FOXN3: variants seen among roughly 807,000 people sequenced by gnomAD.
The protein encoded by FOXN3 is forkhead box N3.
In FOXN3, 7 loss-of-function variants were observed where a neutral mutation model predicts 38.4. The observed-to-expected ratio is 0.18, with a 90% CI of 0.10 to 0.34. FOXN3 has a LOEUF of 0.34. Among genes scored for constraint, FOXN3 ranks in the 10% least tolerant of loss-of-function variants. The pLI, the probability that FOXN3 is intolerant of heterozygous loss-of-function variation, is 1.00. For missense variants in FOXN3, 456 were observed against 613.4 expected, an observed-to-expected ratio of 0.74 and a Z score of 2.71; for synonymous variants, 230 against 242.2, an observed-to-expected ratio of 0.95 and a Z score of 0.47.
At chr14:89,476,303 G>A (rs1893207939) in intron 1 of FOXN3, among the ~76,000 whole-genome samples, 1 of 152,030 alleles carries the variant, frequency 6.6e-6, no homozygotes, top group South Asian at 2.1e-4. Flanking sequence ...TATTGACTGG[G>A]CCAATCTGAA....
intron 5 of FOXN3, among the ~76,000 whole-genome samples, chr14:89,170,407 C>G (rs1887358516): frequency 1.3e-5 from 2 of 152,160 alleles, no homozygotes; most frequent in Non-Finnish European, 2.9e-5. Flanking sequence ...CTGATGCACA[C>G]ATGACATCTT....
intron 1 of FOXN3, among the ~76,000 whole-genome samples, chr14:89,505,501 T>C (rs1893899677): frequency 6.7e-6 from 1 of 149,830 alleles, no homozygotes; most frequent in African/African-American, 2.4e-5. Flanking sequence ...GGTCTCCAGC[T>C]CCTAACCGCG....
intron 1 of FOXN3, among the ~76,000 whole-genome samples, chr14:89,531,952 G>C (rs1429909496): frequency 1.3e-5 from 2 of 152,166 alleles, no homozygotes; most frequent in African/African-American, 4.8e-5. Context: ...ACGACTACAG[G>C]CATGAGCCAC....
At chr14:89,170,142 G>A (rs4904516) in intron 5 of FOXN3, among the ~76,000 whole-genome samples, 37,937 of 152,016 alleles carry the variant, frequency 0.25, 5,264 homozygotes, top group Middle Eastern at 0.33. Flanking sequence ...AACAGTCTAA[G>A]GATTCAACCC....
At chr14:89,310,256 A>C (rs1887496643) in intron 3 of FOXN3, among the ~76,000 whole-genome samples, 1 of 152,102 alleles carries the variant, frequency 6.6e-6, no homozygotes, top group African/African-American at 2.4e-5. Context: ...TTTTCACTGG[A>C]CTTGAACCTG....
chr14:89,418,376 T>TA (rs1469747884), upstream of FOXN3, among the ~76,000 whole-genome samples: 1 of 150,230 alleles, frequency 6.7e-6, no homozygotes, highest in Non-Finnish European at 1.5e-5. Flanking sequence ...AAACACCAGT[T>TA]AGGCTTCTGA....
intron 1 of FOXN3, among the ~76,000 whole-genome samples, chr14:89,577,734 C>G (rs1414604377): frequency 1.3e-5 from 2 of 152,100 alleles, no homozygotes; most frequent in African/African-American, 4.8e-5. Context: ...TCCATTTTCT[C>G]CTTTTTCTTC....
At chr14:89,464,348 T>A (rs549156735) in intron 1 of FOXN3, among the ~76,000 whole-genome samples, 1 of 152,280 alleles carries the variant, frequency 6.6e-6, no homozygotes, top group African/African-American at 2.4e-5. Flanking sequence ...TTCCCCTGAT[T>A]CATGGCCAAG....
rs888705931 is a variant in FOXN3 at position 89,426,903 on chromosome 14, G to A, written c.-14-14413C>T. On this transcript the variant is annotated intron_variant, in intron 1 of 6. Coordinates refer to the FOXN3 transcript ENST00000345097. ...GCCTAGGACATGAAGGACAGGACCC[G>A]TGGGGTACAAGGGAGACAAAATTGT... Among the ~76,000 whole-genome samples, 3 of 152,208 alleles carry A rather than the reference G, an allele frequency of 2.0e-5. No individual in the cohort carries two copies. The South Asian group carries it at 6.2e-4, about 32-fold the overall frequency.
chr14:89,360,793 C>CCACCTCCAA (rs1889508534), intron 2 of FOXN3, among the ~76,000 whole-genome samples: 1 of 93,284 alleles, frequency 1.1e-5, no homozygotes. Flanking sequence ...ACCTCCACCA[C>CCACCTCCAA]CACCACCTCC....
rs187970700 is a variant in FOXN3 at position 89,484,586 on chromosome 14, G to T, written c.-14-72096C>A. ...GCAGGCAGTATTTGGCCCCTGGGCC[G>T]ACTGTGGTTTACCAACCCCTGGCCT... On this transcript the variant is annotated intron_variant, in intron 1 of 6. Coordinates refer to the FOXN3 transcript ENST00000345097. This position sits in a 1 kb window ranked among gnomAD's most constrained non-coding sequence, Gnocchi z 4.0. Among the ~76,000 whole-genome samples the T allele has an allele frequency of 6.6e-6, 1 of 152,254 alleles. No homozygotes were observed. The highest frequency in any genetic ancestry group is 1.5e-5 in the Non-Finnish European group (1 of 68,036).
At chr14:89,430,929 A>C (rs1025633450) in intron 1 of FOXN3, among the ~76,000 whole-genome samples, 1 of 152,228 alleles carries the variant, frequency 6.6e-6, no homozygotes, top group African/African-American at 2.4e-5. Flanking sequence ...TAAAGGCATG[A>C]TAAATCATGC....
At chr14:89,490,456 G>C (rs17125921) in intron 1 of FOXN3, among the ~76,000 whole-genome samples, 1 of 152,226 alleles carries the variant, frequency 6.6e-6, no homozygotes, top group Non-Finnish European at 1.5e-5. Context: ...GTAGACAGGA[G>C]CATGTGGAGG....
At chr14:89,168,736 G>A (rs888058419) in intron 5 of FOXN3, among the ~76,000 whole-genome samples, 2 of 152,076 alleles carry the variant, frequency 1.3e-5, no homozygotes, top group Admixed American at 6.5e-5. Flanking sequence ...TTTTGATGAC[G>A]GTACCAATCT....
At chr14:89,515,509 C>CCAG in intron 1 of FOXN3, among the ~76,000 whole-genome samples, 5 of 151,838 alleles carry the variant, frequency 3.3e-5, no homozygotes, top group African/African-American at 1.2e-4. Flanking sequence ...GTGGATCACC[C>CCAG]GAGGTCAGGA....
At chr14:89,556,031 T>C (rs1895116646) in intron 1 of FOXN3, among the ~76,000 whole-genome samples, 1 of 152,156 alleles carries the variant, frequency 6.6e-6, no homozygotes, top group South Asian at 2.1e-4. Context: ...TGGCCAGTTT[T>C]CATCATGTAA....
At chr14:89,555,080 C>A (rs1194414246) in intron 1 of FOXN3, among the ~76,000 whole-genome samples, 1 of 151,878 alleles carries the variant, frequency 6.6e-6, no homozygotes, top group African/African-American at 2.4e-5. Context: ...CATAAGCCAC[C>A]ACACTCAGCC....
chr14:89,426,332 AT>A (rs1892027664), intron 1 of FOXN3, among the ~76,000 whole-genome samples: 1 of 141,852 alleles, frequency 7.0e-6, no homozygotes, highest in Non-Finnish European at 1.5e-5. Flanking sequence ...TCAAGTGATT[AT>A]CCCTGCCTCA....
intron 1 of FOXN3, among the ~76,000 whole-genome samples, chr14:89,538,842 TTATC>T (rs894141609): frequency 3.3e-5 from 5 of 151,904 alleles, no homozygotes; most frequent in African/African-American, 1.2e-4. Context: ...ATTTATTTAT[TTATC>T]TATTTATTTA....
Sources: gnomAD v4.1 joint callset for allele counts (sites outside exome capture counted in the v4.1 genomes callset) on GRCh38, gnomAD v4.1.1 for gene constraint, Gnocchi (gnomAD v3.1) non-coding constraint, MANE v1.5 for transcripts, NCBI Gene and HGNC (gene_info 2026-07-23, HGNC 2026-07-21) for gene names.